SUDS3: variants seen among roughly 807,000 people sequenced by gnomAD.
The protein encoded by SUDS3 is sin3 histone deacetylase corepressor complex component SDS3.
A neutral mutation model predicts 53.5 loss-of-function variants in SUDS3; 23 were observed. The observed-to-expected ratio is 0.43, with a 90% confidence interval of 0.31 to 0.61. SUDS3 has a LOEUF of 0.61. Ranked by LOEUF, SUDS3 falls within the 20% of genes least tolerant of loss-of-function variation. The pLI is 0.10. For missense variants in SUDS3, 291 were observed against 405.9 expected (o/e 0.72, Z 2.43); for synonymous variants, 150 against 148.5 (o/e 1.01, Z -0.08).
intron 6 of SUDS3, among the ~76,000 whole-genome samples, chr12:118,399,312 G>A (rs1196274910): frequency 6.6e-6 from 1 of 152,078 alleles, no homozygotes; most frequent in Non-Finnish European, 1.5e-5. Flanking sequence ...GACCAGCCTG[G>A]TCAATATGGT....
rs2046388511 is a variant in SUDS3, at chr12:118,415,029, A to G, written c.*596A>G. The G allele has an allele frequency of 6.6e-6, 1 of 152,286 alleles. No individual in the cohort carries two copies. The highest frequency in any genetic ancestry group is 2.1e-4 in the South Asian group (1 of 4,838). 9.4% of individuals were successfully genotyped at this position (152,286 alleles called of 1,614,324 possible). On this transcript the variant is annotated 3_prime_UTR_variant, in exon 12 of 12. Transcript: ENST00000543473. Reference sequence around the variant, plus strand: ...CACCATCCATTCCGCTCGCTGAGCGATGGAAAAGCTTGCCTGGAAGACTAT... The same window carrying G: ...CACCATCCATTCCGCTCGCTGAGCGGTGGAAAAGCTTGCCTGGAAGACTAT...
chr12:118,388,661 C>A (rs1029281806), intron 4 of SUDS3, among the ~76,000 whole-genome samples: 1 of 152,002 alleles, frequency 6.6e-6, no homozygotes, highest in Admixed American at 6.5e-5. Context: ...CAGGAAAGGC[C>A]TCAGGAGGGG....
In SUDS3 at chr12:118,376,566, A is replaced by G; in HGVS notation, c.-126A>G. 2 of 1,177,482 alleles carry G rather than the reference A, an allele frequency of 1.7e-6. No individual in the cohort carries two copies. Among genetic ancestry groups the G allele is most frequent in the Non-Finnish European group, 2.1e-6 (2 of 932,658 alleles). 72.9% of individuals were successfully genotyped at this position (1,177,482 alleles called of 1,614,324 possible). A position where few individuals can be genotyped will look rare whatever the true frequency, so the allele number is the denominator to read the frequency against. ...GGGCGGAGCTCGGCGGAGACGGGGA[A>G]GGGGTCGCCGTGGCTGCCGGTCCTC... On this transcript the variant is annotated 5_prime_UTR_variant, in exon 1 of 12. Transcript: ENST00000543473.
In SUDS3 at chr12:118,401,987, A is replaced by G. The variant is rs374831127; in HGVS notation, c.680A>G (p.Lys227Arg). 6.2e-7 allele frequency: 1 copy of G among 1,613,892 alleles called. No individual in the cohort carries two copies. Among genetic ancestry groups the G allele is most frequent in the African/African-American group, 1.3e-5 (1 of 74,932 alleles). Reference sequence around the variant, plus strand: ...TTGTTGTTGTTCTTCCTACAGCTTAAGTCACCCAAGAGACCAGGTGAGTGC... The same window carrying G: ...TTGTTGTTGTTCTTCCTACAGCTTAGGTCACCCAAGAGACCAGGTGAGTGC... ...MEDLRTLNKL[K>R]SPKRPASPSS... The change falls in exon 9 of 12, where the codon AAG becomes AGG. Residue 227 changes from lysine (K) to arginine (R), a missense_variant. By Grantham distance (26) the Lys-to-Arg change is conservative. Coordinates refer to ENST00000543473, the MANE Select transcript of SUDS3 (RefSeq NM_022491.3).
chr12:118,383,968 A>G (rs370635390), intron 2 of SUDS3, 44 bp from the exon 3 acceptor site: 3 of 1,559,568 alleles, frequency 1.9e-6, no homozygotes, highest in African/African-American at 2.7e-5. Context: ...GGAATTGAGT[A>G]TTGAATGTTT....
Position 118,414,398 on chromosome 12 carries a change from G to A in SUDS3, c.952G>A (p.Gly318Arg). Residue 318 changes from glycine (G) to arginine (R), a missense_variant, in exon 12 of 12, where the codon GGG (glycine) becomes AGG (arginine). By Grantham distance (125) the Gly-to-Arg change is moderately radical. Around this residue, in one of 4 missense-constraint regions of SUDS3, gnomAD observed 10 missense variants for 48.1 expected, o/e 0.21. Coordinates refer to ENST00000543473, the MANE Select transcript of SUDS3 (RefSeq NM_022491.3). Reference protein sequence around the residue: ...MRIYLGQLQRGLFVIRRRSAA With the variant: ...MRIYLGQLQRRLFVIRRRSAA ...GATCTACCTGGGCCAGCTTCAGCGC[G>A]GGCTCTTCGTGATCCGCCGGCGCTC... 7 of 1,602,630 alleles carry A rather than the reference G, an allele frequency of 4.4e-6. No individual in the cohort carries two copies. Among genetic ancestry groups the A allele is most frequent in the South Asian group, 3.4e-5 (3 of 88,656 alleles).
At chr12:118,389,394 G>A (rs2046144669) in intron 4 of SUDS3, among the ~76,000 whole-genome samples, 1 of 152,200 alleles carries the variant, frequency 6.6e-6, no homozygotes, top group Admixed American at 6.5e-5. Flanking sequence ...TGTGGAGACT[G>A]TTGGCGGGTG....
intron 10 of SUDS3, among the ~76,000 whole-genome samples, chr12:118,408,887 T>C (rs2046332671): frequency 6.6e-6 from 1 of 152,202 alleles, no homozygotes; most frequent in Non-Finnish European, 1.5e-5. Context: ...GTATTCTCCC[T>C]CTGTATTTTT....
At chr12:118,413,422 C>A (rs139913575) in intron 11 of SUDS3, among the ~76,000 whole-genome samples, 1 of 152,180 alleles carries the variant, frequency 6.6e-6, no homozygotes, top group Admixed American at 6.5e-5. Flanking sequence ...GAATTCACGT[C>A]GTGATAAGTG....
Position 118,380,149 on chromosome 12 carries a change from TA to T in SUDS3, c.143-11del, listed in dbSNP as rs1566194981. 1 of 1,600,744 alleles carries T rather than the reference TA, an allele frequency of 6.2e-7. No homozygotes were observed. Among genetic ancestry groups the T allele is most frequent in the Non-Finnish European group, 8.5e-7 (1 of 1,172,830 alleles). Reference sequence around the variant, plus strand: ...ATGATTTTAACTAGCCCCTATTTCCTAACTTTATTCAGACACTGAGGATGCT... The same window carrying T: ...ATGATTTTAACTAGCCCCTATTTCCTACTTTATTCAGACACTGAGGATGCT... On this transcript the variant is annotated splice_polypyrimidine_tract_variant and intron_variant, in intron 1 of 11. Coordinates refer to ENST00000543473, the MANE Select transcript of SUDS3 (RefSeq NM_022491.3).
chr12:118,377,163 G>T (rs1400934811), intron 1 of SUDS3, among the ~76,000 whole-genome samples: 4 of 152,032 alleles, frequency 2.6e-5, no homozygotes, highest in East Asian at 1.9e-4. Flanking sequence ...TGAATACATC[G>T]AGTGTAGTTC....
rs190460620 is a variant in SUDS3 at position 118,379,257 on chromosome 12, C to T, written c.143-905C>T. On this transcript the variant is annotated intron_variant, in intron 1 of 11. Coordinates refer to ENST00000543473, the MANE Select transcript of SUDS3 (RefSeq NM_022491.3). ...TTCGAGACCAGCCTGGCCAACGTGG[C>T]GAAACCTCATCTCTACTAAAAATAC... 6.3e-3 allele frequency among the ~76,000 whole-genome samples: 956 copies of T among 151,888 alleles called. 6 individuals are homozygous for T. Among genetic ancestry groups the T allele is most frequent in the African/African-American group, 0.021 (887 of 41,470 alleles).
At position 118,401,741 on chromosome 12, in the gene SUDS3, TC is replaced by T. The variant is rs753334865; in HGVS notation, c.614-16del. 1.2e-5 allele frequency: 20 copies of T among 1,609,330 alleles called. No individual in the cohort carries two copies. In the African/African-American group the frequency reaches 2.3e-4, roughly 18 times the overall value. On this transcript the variant is annotated splice_polypyrimidine_tract_variant and intron_variant, in intron 7 of 11. Coordinates refer to ENST00000543473, the MANE Select transcript of SUDS3 (RefSeq NM_022491.3). ...TGGAAACTGTACTTTTCACATACAG[TC>T]CTTTAACTCTCAACACCCCAGCTAA...
intron 2 of SUDS3, among the ~76,000 whole-genome samples, chr12:118,382,748 A>C (rs1257879082): frequency 4.7e-5 from 7 of 149,842 alleles, no homozygotes; most frequent in African/African-American, 1.7e-4. Flanking sequence ...GCTCACTGCA[A>C]CCTCCAGCCC....
At position 118,401,910 on chromosome 12, in the gene SUDS3, T is replaced by G. The variant is rs2046266027; in HGVS notation, c.676-73T>G. ...TTAACATGTTACTTGTTAATCATTATGATACCTTTGACACCTGAAGTTGCA... is the reference window on the plus strand; with the variant it reads ...TTAACATGTTACTTGTTAATCATTAGGATACCTTTGACACCTGAAGTTGCA... On this transcript the variant is annotated intron_variant, in intron 8 of 11. Transcript: ENST00000543473. 7 of 1,599,864 alleles carry G rather than the reference T, an allele frequency of 4.4e-6. No individual in the cohort carries two copies. The East Asian group carries it at 1.6e-4, about 36-fold the overall frequency.
chr12:118,396,975 G>T (rs548093126), intron 6 of SUDS3, among the ~76,000 whole-genome samples: 9 of 152,252 alleles, frequency 5.9e-5, no homozygotes, highest in East Asian at 1.9e-4. Context: ...AAGTCATATT[G>T]CAGGGTGGTT....
intron 6 of SUDS3, among the ~76,000 whole-genome samples, chr12:118,393,543 A>T (rs181535409): frequency 2.0e-5 from 3 of 152,290 alleles, no homozygotes; most frequent in African/African-American, 7.2e-5. Context: ...AGCTAGGAAG[A>T]ATTATAGGTC....
chr12:118,390,567 G>A (rs567971147), intron 5 of SUDS3, among the ~76,000 whole-genome samples: 1 of 152,286 alleles, frequency 6.6e-6, no homozygotes, highest in African/African-American at 2.4e-5. Context: ...GAAGGATCAC[G>A]TGATCAGCCT....
intron 10 of SUDS3, among the ~76,000 whole-genome samples, chr12:118,408,534 A>T (rs1039670399): frequency 6.8e-6 from 1 of 146,986 alleles, no homozygotes; most frequent in Non-Finnish European, 1.5e-5. Flanking sequence ...GGGTTTCACC[A>T]TGTTGGTCGG....
Sources: gnomAD v4.1 joint callset for allele counts (sites outside exome capture counted in the v4.1 genomes callset) on GRCh38, gnomAD v4.1.1 for gene constraint, gnomAD v4.1.1 regional missense constraint, MANE v1.5 for transcripts, NCBI Gene and HGNC (gene_info 2026-07-23, HGNC 2026-07-21) for gene names.